The following ANK2 variants were observed in gnomAD, a reference collection of about 807,000 sequenced individuals.
The protein encoded by ANK2 is ankyrin 2.
ANK2 carries 83 observed loss-of-function variants against 360.5 expected under a neutral mutation model. That is an observed-to-expected ratio of 0.23 (90% confidence interval 0.19 to 0.28). The LOEUF (loss-of-function observed/expected upper bound fraction) is 0.28, where lower values mean the gene tolerates loss of function less well. ANK2 is among the 10% of genes least tolerant of loss of function. The pLI is 1.00. For synonymous variants in ANK2, 1,740 were observed against 1,759.5 expected (o/e 0.99, Z 0.28); for missense variants, 4,201 against 4,795.7 (o/e 0.88, Z 3.66).
Position 113,292,494 on chromosome 4 carries a change from A to G in ANK2, c.2356A>G (p.Lys786Glu). Residue 786 changes from lysine to glutamate, a missense_variant, in exon 21 of 46, where the codon AAG becomes GAG. Around this residue, in one of 4 missense-constraint regions of ANK2, gnomAD observed 1,268 missense variants for 1,650.8 expected, o/e 0.77. Coordinates refer to ENST00000357077, the MANE Select transcript of ANK2 (RefSeq NM_001148.6). The stretch of plus-strand genomic sequence containing the variant: ...CAACGTCCTGCTCCAGCATGGGGCC[A>G]AGCCCAACGCCACCACTGCGGTAAG... ...IINVLLQHGA[K>E]PNATTANGNT... is the part of the protein sequence containing the mutation. The G allele has an allele frequency of 6.2e-7, 1 of 1,610,816 alleles. No homozygotes were observed. The highest frequency in any genetic ancestry group is 8.5e-7 in the Non-Finnish European group (1 of 1,178,434).
chr4:113,026,280 A>T (rs1366871870), intron 2 of ANK2, among the ~76,000 whole-genome samples: 1 of 152,080 alleles, frequency 6.6e-6, no homozygotes, highest in Non-Finnish European at 1.5e-5. Context: ...TTTATATGAG[A>T]TCTCCTGACT....
intron 2 of ANK2, among the ~76,000 whole-genome samples, chr4:112,989,414 A>G (rs1456902592): frequency 1.3e-5 from 2 of 152,224 alleles, no homozygotes; most frequent in Non-Finnish European, 2.9e-5. Context: ...TCTCTTAGCC[A>G]TAATATTTAT....
chr4:113,339,057 T>C (rs1048379880), intron 31 of ANK2, among the ~76,000 whole-genome samples, 169 bp from the exon 32 acceptor site: 1 of 152,214 alleles, frequency 6.6e-6, no homozygotes, highest in Admixed American at 6.5e-5. Context: ...AGTCTGCTGT[T>C]TGTTTTCAGT....
At chr4:112,768,683 CA>C in the ANK2 span, among the ~76,000 whole-genome samples, 1 of 151,636 alleles carries the variant, frequency 6.6e-6, no homozygotes, top group African/African-American at 2.4e-5. Context: ...AACAAACAAA[CA>C]AAAAACTCAT....
chr4:113,241,445 C>T (rs1019983093), intron 8 of ANK2, among the ~76,000 whole-genome samples: 1 of 152,136 alleles, frequency 6.6e-6, no homozygotes, highest in East Asian at 1.9e-4. Flanking sequence ...TCAAGCAATC[C>T]TCCTGGCTCA....
the ANK2 span, among the ~76,000 whole-genome samples, chr4:112,731,455 G>A: frequency 6.6e-6 from 1 of 151,860 alleles, no homozygotes; most frequent in Non-Finnish European, 1.5e-5. Context: ...CGAGCGCAGT[G>A]GCTCATGCCT....
chr4:112,746,828 T>C, the ANK2 span, among the ~76,000 whole-genome samples: 1 of 152,252 alleles, frequency 6.6e-6, no homozygotes, highest in African/African-American at 2.4e-5. Context: ...TTAAAATTAT[T>C]CCTTGACATA....
At chr4:113,367,018 T>C (rs2096563047) in intron 41 of ANK2, among the ~76,000 whole-genome samples, 2 of 152,128 alleles carry the variant, frequency 1.3e-5, no homozygotes, top group Admixed American at 1.3e-4. Context: ...TATAATGAAA[T>C]TCCTTAGCCT....
chr4:112,975,355 T>TA lies in ANK2; in HGVS notation c.21+70849dup, dbSNP rs555391154. Among the ~76,000 whole-genome samples, 54 of 152,140 alleles carry TA rather than the reference T, an allele frequency of 3.5e-4. No individual in the cohort carries two copies. The East Asian group carries it at 7.9e-3, about 22-fold the overall frequency. On this transcript the variant is annotated intron_variant, in intron 2 of 30. Transcript: ENST00000503271. The stretch of plus-strand genomic sequence containing the variant: ...TGAAGATGCCAAATGTTCCTTCAAA[T>TA]AAAAAAAATCTCTTCAGTACTTTCA...
At chr4:113,287,270 A>G (rs1011367202) in intron 18 of ANK2, among the ~76,000 whole-genome samples, 1 of 152,214 alleles carries the variant, frequency 6.6e-6, no homozygotes, top group East Asian at 1.9e-4. Flanking sequence ...AAATAAGTTG[A>G]TACAGCGGGA....
intron 14 of ANK2, among the ~76,000 whole-genome samples, chr4:113,270,075 G>A (rs1332906959): frequency 6.6e-6 from 1 of 152,016 alleles, no homozygotes; most frequent in African/African-American, 2.4e-5. Flanking sequence ...TCCTTTTAAG[G>A]TTACCTGGCA....
the ANK2 span, among the ~76,000 whole-genome samples, chr4:112,733,504 A>G: frequency 1.3e-5 from 2 of 152,194 alleles, no homozygotes; most frequent in African/African-American, 4.8e-5. Flanking sequence ...ACATTTTTTA[A>G]TAGAAATTAT....
intron 1 of ANK2, among the ~76,000 whole-genome samples, chr4:112,848,725 G>A (rs2063924119): frequency 6.6e-6 from 1 of 152,138 alleles, no homozygotes; most frequent in Non-Finnish European, 1.5e-5. Context: ...TAGGAGTCTT[G>A]ACTTACTCAC....
At chr4:113,316,886 A>G (rs2083233889) in intron 24 of ANK2, among the ~76,000 whole-genome samples, 1 of 152,250 alleles carries the variant, frequency 6.6e-6, no homozygotes, top group Admixed American at 6.5e-5. Context: ...TTTTGAAGCC[A>G]AACCTCATTT....
rs534377495 is a variant in ANK2 at position 112,915,209 on chromosome 4, ATCT to A, written c.21+10700_21+10702del. On this transcript the variant is annotated intron_variant, in intron 2 of 30. Coordinates refer to the ANK2 transcript ENST00000503271. ...AGCTTACATATTTTTTAGAGCAGGGATCTTCTTAACTTCAAGATCCTCAGGGAC... is the reference window on the plus strand; with the variant it reads ...AGCTTACATATTTTTTAGAGCAGGGATCTTAACTTCAAGATCCTCAGGGAC... Among the ~76,000 whole-genome samples, 102 of 152,216 alleles carry A rather than the reference ATCT, an allele frequency of 6.7e-4. 1 individual carries two copies. The highest frequency in any genetic ancestry group is 1.9e-3 in the South Asian group (9 of 4,824).
At chr4:112,872,463 G>A (rs1290092576) in intron 1 of ANK2, among the ~76,000 whole-genome samples, 3 of 151,770 alleles carry the variant, frequency 2.0e-5, no homozygotes, top group Non-Finnish European at 2.9e-5. Flanking sequence ...TCAGCCTCCC[G>A]AGTAGCTGTG....
chr4:112,956,553 C>T (rs549160990), intron 2 of ANK2, among the ~76,000 whole-genome samples: 28 of 152,280 alleles, frequency 1.8e-4, no homozygotes, highest in African/African-American at 6.3e-4. Context: ...GACTAGTGGG[C>T]GGGCAGCATA....
rs2153983354 is a variant in ANK2 at position 113,343,057 on chromosome 4, A to C, written c.4163A>C (p.Asn1388Thr). The C allele has an allele frequency of 6.2e-7, 1 of 1,613,972 alleles. No homozygotes were observed. Among genetic ancestry groups the C allele is most frequent in the Non-Finnish European group, 8.5e-7 (1 of 1,179,880 alleles). The change falls in exon 34 of 46, where the codon AAC (asparagine) becomes ACC (threonine). Residue 1388 changes from asparagine (N) to threonine (T), a missense_variant. Physicochemically the swap from Asn to Thr is moderately conservative, Grantham distance 65. Transcript: ENST00000357077. ...CCCATCTACGTTGATTGTTTCGGCAACTTGGTACCATTAACTAAAAGTGGC... is the reference window on the plus strand; with the variant it reads ...CCCATCTACGTTGATTGTTTCGGCACCTTGGTACCATTAACTAAAAGTGGC... ...GKPIYVDCFG[N>T]LVPLTKSGQH... is the part of the protein sequence containing the mutation.
intron 1 of ANK2, among the ~76,000 whole-genome samples, chr4:112,904,064 C>A (rs147874835): frequency 1.3e-5 from 2 of 152,234 alleles, no homozygotes; most frequent in East Asian, 3.9e-4. Flanking sequence ...GAATGCTTAT[C>A]CAATTTAATA....
Sources: gnomAD v4.1 joint callset for allele counts (sites outside exome capture counted in the v4.1 genomes callset) on GRCh38, gnomAD v4.1.1 for gene constraint, gnomAD v4.1.1 regional missense constraint, MANE v1.5 for transcripts, NCBI Gene and HGNC (gene_info 2026-07-23, HGNC 2026-07-21) for gene names.